Variants in RSU1 observed in about 807,000 individuals in gnomAD.
The protein encoded by RSU1 is rsu-1.
Under a neutral mutation model 31.1 loss-of-function variants are expected in RSU1, and 26 were observed. The observed-to-expected ratio is 0.84, with a 90% CI of 0.61 to 1.16. The LOEUF (loss-of-function observed/expected upper bound fraction) is 1.16, where lower values mean the gene tolerates loss of function less well. RSU1 is among the 50% of genes most tolerant of loss of function. The probability of loss-of-function intolerance (pLI) is 0.00; values close to 1 mark genes in which losing one functional copy is unlikely to be tolerated. For synonymous variants in RSU1, 164 were observed against 136.3 expected (o/e 1.20, Z -1.41); for missense variants, 320 against 339.1 (o/e 0.94, Z 0.44).
At chr10:16,616,278 C>T (rs1311043747) in intron 8 of RSU1, among the ~76,000 whole-genome samples, 2 of 151,474 alleles carry the variant, frequency 1.3e-5, no homozygotes, top group Non-Finnish European at 2.9e-5. Flanking sequence ...TGGACACACA[C>T]CCCCTCCCAA....
chr10:16,802,052 A>C (rs1838167496), intron 2 of RSU1, among the ~76,000 whole-genome samples: 1 of 152,026 alleles, frequency 6.6e-6, no homozygotes, highest in Admixed American at 6.5e-5. Flanking sequence ...TTGAACTACA[A>C]GTAAACAGAA....
At chr10:16,600,500 CT>C (rs1028290754) in intron 8 of RSU1, among the ~76,000 whole-genome samples, 12 of 149,126 alleles carry the variant, frequency 8.0e-5, no homozygotes, top group African/African-American at 2.7e-4. Context: ...AATTTTGCAA[CT>C]TTTTTTTTGA....
intron 7 of RSU1, among the ~76,000 whole-genome samples, chr10:16,751,056 G>A (rs917956165): frequency 2.6e-5 from 4 of 151,808 alleles, no homozygotes; most frequent in African/African-American, 9.7e-5. Context: ...TTGTAGAGAC[G>A]GGGTTTCACC....
chr10:16,717,278 C>T (rs553867600), intron 7 of RSU1, among the ~76,000 whole-genome samples: 25 of 152,204 alleles, frequency 1.6e-4, no homozygotes, highest in Non-Finnish European at 2.6e-4. Context: ...GATATTATGT[C>T]ATATAAAATA....
At chr10:16,816,309 G>GC (rs1181360365) in intron 2 of RSU1, among the ~76,000 whole-genome samples, 8 of 152,062 alleles carry the variant, frequency 5.3e-5, no homozygotes. Flanking sequence ...GTTCATAACC[G>GC]CCCCTGACCG....
chr10:16,725,697 G>T (rs771348956), intron 7 of RSU1, among the ~76,000 whole-genome samples: 5 of 151,348 alleles, frequency 3.3e-5, no homozygotes, highest in Non-Finnish European at 5.9e-5. Flanking sequence ...TGCAGCCCTC[G>T]CCAGAAAACT....
chr10:16,663,182 A>G (rs1325348932), intron 8 of RSU1, among the ~76,000 whole-genome samples: 3 of 152,120 alleles, frequency 2.0e-5, no homozygotes, highest in South Asian at 2.1e-4. Context: ...CATGGTTAGG[A>G]TCGTTCTGAA....
chr10:16,593,716 C>A (rs182657782), intron 8 of RSU1, among the ~76,000 whole-genome samples: 273 of 152,340 alleles, frequency 1.8e-3, no homozygotes, highest in African/African-American at 6.2e-3. Flanking sequence ...GGACCAGTCT[C>A]TTGGGATTTC....
In RSU1 at chr10:16,695,248, A is replaced by G. The variant is rs78668339; in HGVS notation, c.599-93T>C. 4,218 of 1,245,048 alleles carry G rather than the reference A, an allele frequency of 3.4e-3. 109 individuals are homozygous for G. The African/African-American group carries it at 0.052, about 15-fold the overall frequency. The allele number at this position is 1,245,048 out of a possible 1,614,324, so 77.1% of individuals were successfully genotyped here. On this transcript the variant is annotated intron_variant, in intron 7 of 8. Coordinates refer to ENST00000345264, the MANE Select transcript of RSU1 (RefSeq NM_012425.4). ...TCAGTAATCACAGCCTAAGTACCCT[A>G]AATCAAACCCTAAGTGCCTCTTGGA... is the stretch of plus-strand genomic sequence containing the variant.
At chr10:16,625,955 C>T (rs1269896469) in intron 8 of RSU1, among the ~76,000 whole-genome samples, 6 of 152,104 alleles carry the variant, frequency 3.9e-5, no homozygotes, top group Admixed American at 6.6e-5. Flanking sequence ...TGTGAACATT[C>T]GGTAACATAC....
At chr10:16,671,687 G>A (rs940607840) in intron 8 of RSU1, among the ~76,000 whole-genome samples, 50 of 151,898 alleles carry the variant, frequency 3.3e-4, no homozygotes, top group African/African-American at 1.1e-3. Context: ...GGGCAGTGGC[G>A]CGATTTTGGC....
chr10:16,683,032 G>A (rs1835361834), intron 8 of RSU1, among the ~76,000 whole-genome samples: 1 of 152,124 alleles, frequency 6.6e-6, no homozygotes, highest in Non-Finnish European at 1.5e-5. Context: ...TTTTAACAGG[G>A]TCCATTCTTA....
intron 8 of RSU1, among the ~76,000 whole-genome samples, chr10:16,675,113 T>C (rs1374549830): frequency 6.9e-6 from 1 of 145,196 alleles, no homozygotes; most frequent in African/African-American, 2.6e-5. Flanking sequence ...GGCTGAGGCA[T>C]GAGAATCGCT....
At position 16,782,009 on chromosome 10, in the gene RSU1, G is replaced by A. The variant is rs922183620; in HGVS notation, c.160+25C>T. On this transcript the variant is annotated intron_variant, in intron 3 of 8. Coordinates refer to ENST00000345264, the MANE Select transcript of RSU1 (RefSeq NM_012425.4). ...TAGGATTACCTAAATGTCAGAAACT[G>A]TAACAAATGAGAAACATCACTTACT... 8 of 1,604,700 alleles carry A rather than the reference G, an allele frequency of 5.0e-6. No individual in the cohort carries two copies. In the African/African-American group the frequency reaches 8.0e-5, roughly 16 times the overall value.
intron 7 of RSU1, among the ~76,000 whole-genome samples, chr10:16,742,164 AC>A (rs1836768091): frequency 6.6e-6 from 1 of 152,226 alleles, no homozygotes. Flanking sequence ...AAGCTTATTT[AC>A]TAATATTAGA....
At chr10:16,812,164 G>A (rs1335203239) in intron 2 of RSU1, among the ~76,000 whole-genome samples, 47 of 152,308 alleles carry the variant, frequency 3.1e-4, no homozygotes, top group Non-Finnish European at 3.5e-4. Flanking sequence ...TTTTAAGGCC[G>A]GGCACAGTGG....
intron 8 of RSU1, among the ~76,000 whole-genome samples, chr10:16,661,287 C>CGTGTGTGTGTGTGTGTGT (rs56675037): frequency 7.5e-6 from 1 of 132,918 alleles, no homozygotes; most frequent in African/African-American, 2.9e-5. Flanking sequence ...GTAGAGAGTG[C>CGTGTGTGTGTGTGTGTGT]GTGTGTGTGT....
intron 2 of RSU1, among the ~76,000 whole-genome samples, chr10:16,797,103 T>C (rs1838054555): frequency 6.6e-6 from 1 of 152,080 alleles, no homozygotes; most frequent in African/African-American, 2.4e-5. Flanking sequence ...GTCTGATGGA[T>C]TAGGACAAGT....
chr10:16,772,112 G>A (rs17156926), intron 3 of RSU1, among the ~76,000 whole-genome samples: 11,102 of 152,144 alleles, frequency 0.073, 537 homozygotes, highest in East Asian at 0.18. Flanking sequence ...TTAACTCACC[G>A]CAAAACAATG....
Sources: allele counts gnomAD v4.1 joint callset (sites outside exome capture counted in the v4.1 genomes callset), GRCh38; gene constraint gnomAD v4.1.1; transcripts MANE v1.5; gene names NCBI Gene and HGNC (gene_info 2026-07-23, HGNC 2026-07-21).